Variants in GALNTL5 observed in about 807,000 individuals in gnomAD.
GALNTL5 encodes the protein polypeptide N-acetylgalactosaminyltransferase like 5.
GALNTL5 carries 44 observed loss-of-function variants against 51.0 expected under a neutral mutation model. That is an observed-to-expected ratio of 0.86 (90% CI 0.68 to 1.11). The LOEUF is 1.11. Among genes scored for constraint, GALNTL5 ranks in the 50% least tolerant of loss-of-function variants. GALNTL5 has a pLI of 0.00. For missense variants in GALNTL5, 528 were observed against 531.8 expected, an observed-to-expected ratio of 0.99 and a Z score of 0.07; for synonymous variants, 192 against 182.8, an observed-to-expected ratio of 1.05 and a Z score of -0.41.
chr7:151,997,765 GA>G (rs2081518563), intron 5 of GALNTL5, among the ~76,000 whole-genome samples: 1 of 152,030 alleles, frequency 6.6e-6, no homozygotes, highest in Non-Finnish European at 1.5e-5. Context: ...ATCTGTATGG[GA>G]AAAAAGACTT....
At chr7:151,980,992 T>A (rs533348944) in intron 3 of GALNTL5, among the ~76,000 whole-genome samples, 7 of 151,596 alleles carry the variant, frequency 4.6e-5, no homozygotes, top group Admixed American at 1.3e-4. Context: ...TGATCCGCCC[T>A]CCTCAGCCTC....
chr7:151,987,579 C>A (rs1259446953), intron 5 of GALNTL5, among the ~76,000 whole-genome samples: 1 of 143,952 alleles, frequency 6.9e-6, no homozygotes, highest in Admixed American at 7.1e-5. Context: ...CCACAGGGGA[C>A]CCACTGGGAG....
intron 3 of GALNTL5, 75 bp downstream of exon 3, chr7:151,971,140 A>AGACAGAT (rs59993749): frequency 1.7e-6 from 1 of 585,360 alleles, no homozygotes. Context: ...GATAGATAGA[A>AGACAGAT]AGAAAACAGT....
intron 6 of GALNTL5, among the ~76,000 whole-genome samples, chr7:152,004,217 C>A (rs1285833936): frequency 6.6e-6 from 1 of 151,378 alleles, no homozygotes; most frequent in Non-Finnish European, 1.5e-5. Context: ...TTTTCAAGGG[C>A]TAATTAACTA....
chr7:151,981,788 C>T (rs762399537), intron 3 of GALNTL5, among the ~76,000 whole-genome samples: 7 of 150,698 alleles, frequency 4.6e-5, no homozygotes, highest in Non-Finnish European at 8.8e-5. Flanking sequence ...GCTGGAACTA[C>T]GAGTGCGTGC....
intron 1 of GALNTL5, among the ~76,000 whole-genome samples, chr7:151,966,086 T>C (rs886922852): frequency 6.6e-6 from 1 of 152,176 alleles, no homozygotes; most frequent in African/African-American, 2.4e-5. Context: ...GCTTTTCATG[T>C]TTTCCAAATT....
Position 151,967,345 on chromosome 7 carries a change from C to A in GALNTL5, c.99C>A (p.Ser33Arg), listed in dbSNP as rs2081072838. ...TATATTTGCACCATAATCATGTGAGCAGCTGGCAGAAGAAAAGCCAGGAGC... is the reference window on the plus strand; with the variant it reads ...TATATTTGCACCATAATCATGTGAGAAGCTGGCAGAAGAAAAGCCAGGAGC... ...LFIYLHHNHV[S>R]SWQKKSQEPL... is the part of the protein sequence containing the mutation. Residue 33 changes from serine to arginine, a missense_variant, in exon 2 of 9, where the codon AGC (serine) becomes AGA (arginine). By Grantham distance (110) the Ser-to-Arg change is moderately radical. Coordinates refer to ENST00000392800, the MANE Select transcript of GALNTL5 (RefSeq NM_145292.4). 6.2e-7 allele frequency: 1 copy of A among 1,614,084 alleles called. No individual in the cohort carries two copies. The highest frequency in any genetic ancestry group is 8.5e-7 in the Non-Finnish European group (1 of 1,179,988).
At chr7:151,958,111 T>G (rs570672213) in intron 1 of GALNTL5, among the ~76,000 whole-genome samples, 1 of 152,376 alleles carries the variant, frequency 6.6e-6, no homozygotes, top group South Asian at 2.1e-4. Context: ...GTAATAATCC[T>G]ATTGAGACAG....
intron 4 of GALNTL5, 67 bp downstream of exon 4, chr7:151,983,219 C>T (rs1423515147): frequency 3.4e-5 from 47 of 1,402,550 alleles, no homozygotes; most frequent in Non-Finnish European, 4.4e-5. Context: ...CCTCTGTCAC[C>T]CAGGCTGGAG....
intron 5 of GALNTL5, among the ~76,000 whole-genome samples, chr7:151,989,398 C>T (rs909889843): frequency 2.6e-5 from 4 of 152,152 alleles, no homozygotes; most frequent in Admixed American, 1.3e-4. Context: ...AATGATCCGC[C>T]CACCTCGGCC....
chr7:151,980,888 G>A (rs1293634429), intron 3 of GALNTL5, among the ~76,000 whole-genome samples: 2 of 148,538 alleles, frequency 1.3e-5, no homozygotes, highest in African/African-American at 2.6e-5. Context: ...TGGGACTACA[G>A]GCACCCGCCA....
chr7:151,998,329 C>CCA (rs2081526280), intron 5 of GALNTL5, among the ~76,000 whole-genome samples: 2 of 130,278 alleles, frequency 1.5e-5, no homozygotes, highest in African/African-American at 5.8e-5. Context: ...GGAAAAGGTG[C>CCA]TAAAAAAAAG....
intron 1 of GALNTL5, among the ~76,000 whole-genome samples, chr7:151,964,137 T>C (rs901226856): frequency 1.3e-5 from 2 of 152,160 alleles, no homozygotes; most frequent in African/African-American, 4.8e-5. Flanking sequence ...ACCGGTCTTT[T>C]CTCTGTGCAA....
At chr7:152,014,158 T>C (rs1449109849) in intron 7 of GALNTL5, among the ~76,000 whole-genome samples, 1 of 152,242 alleles carries the variant, frequency 6.6e-6, no homozygotes, top group African/African-American at 2.4e-5. Context: ...TTAACCAATC[T>C]ATGTGTTAGT....
intron 5 of GALNTL5, among the ~76,000 whole-genome samples, chr7:151,998,331 A>T (rs984512535): frequency 1.5e-5 from 1 of 64,584 alleles, no homozygotes; most frequent in East Asian, 8.3e-4. Context: ...AAAAGGTGCT[A>T]AAAAAAAGTC....
At chr7:151,987,507 G>A (rs957481006) in intron 5 of GALNTL5, among the ~76,000 whole-genome samples, 5 of 151,716 alleles carry the variant, frequency 3.3e-5, no homozygotes, top group African/African-American at 7.3e-5. Flanking sequence ...TCGCAGGGAC[G>A]TTAATGTCAG....
At chr7:151,982,858 T>C in intron 3 of GALNTL5, 128 bp from the exon 4 acceptor site, 3 of 1,573,632 alleles carry the variant, frequency 1.9e-6, no homozygotes, top group South Asian at 1.1e-5. Flanking sequence ...GTCACCTTAT[T>C]ACCATAATTA....
chr7:151,984,746 G>T (rs1465538463), intron 4 of GALNTL5, among the ~76,000 whole-genome samples: 1 of 151,968 alleles, frequency 6.6e-6, no homozygotes, highest in Non-Finnish European at 1.5e-5. Flanking sequence ...TGACTTGCTG[G>T]GCAAGAAGTC....
intron 8 of GALNTL5, 97 bp from the exon 9 acceptor site, chr7:152,019,549 C>T (rs370365850): frequency 3.2e-6 from 4 of 1,233,992 alleles, no homozygotes; most frequent in East Asian, 4.8e-5. Context: ...TTTTAGTTCA[C>T]ATGATGAAAA....
Sources: gnomAD v4.1 joint callset for allele counts (sites outside exome capture counted in the v4.1 genomes callset) on GRCh38, gnomAD v4.1.1 for gene constraint, MANE v1.5 for transcripts, NCBI Gene and HGNC (gene_info 2026-07-23, HGNC 2026-07-21) for gene names.